Variants in SMC1B observed in about 807,000 individuals in gnomAD.
SMC1B encodes structural maintenance of chromosomes 1B, also known as structural maintenance of chromosomes protein 1B.
A neutral mutation model predicts 157.9 loss-of-function variants in SMC1B; 60 were observed. The ratio of observed to expected loss-of-function variants is 0.38; its 90% confidence interval spans 0.31 to 0.47. SMC1B has a LOEUF of 0.47. Among genes scored for constraint, SMC1B ranks in the 20% least tolerant of loss-of-function variants. SMC1B has a pLI of 0.99. For missense variants in SMC1B, 1,165 were observed against 1,426.2 expected (o/e 0.82, Z 2.95); for synonymous variants, 445 against 483.0 (o/e 0.92, Z 1.03).
chr22:45,363,196 T>C (rs1767208275), intron 15 of SMC1B, among the ~76,000 whole-genome samples, 170 bp from the exon 16 acceptor site: 1 of 152,244 alleles, frequency 6.6e-6, no homozygotes, highest in Non-Finnish European at 1.5e-5. Context: ...TCTTGTTTCA[T>C]TGATAACTCC....
At chr22:45,377,324 C>T (rs1055615485) in intron 12 of SMC1B, among the ~76,000 whole-genome samples, 6 of 152,010 alleles carry the variant, frequency 3.9e-5, no homozygotes, top group African/African-American at 9.7e-5. Context: ...TTGTTTTCTA[C>T]GAAATTAATG....
intron 4 of SMC1B, among the ~76,000 whole-genome samples, chr22:45,405,364 C>T (rs6007021): frequency 0.48 from 72,948 of 151,498 alleles, 20,186 homozygotes; most frequent in African/African-American, 0.76. Context: ...AATGAGACCA[C>T]GGTGAAACCC....
chr22:45,351,751 T>C (rs2086617708), intron 22 of SMC1B, among the ~76,000 whole-genome samples: 1 of 152,240 alleles, frequency 6.6e-6, no homozygotes, highest in East Asian at 1.9e-4. Flanking sequence ...GGTCTCACTA[T>C]GTTGCCCAGG....
intron 14 of SMC1B, 139 bp from the exon 15 acceptor site, chr22:45,370,199 C>A: frequency 2.3e-6 from 1 of 438,214 alleles, no homozygotes; most frequent in Admixed American, 4.4e-5. Context: ...TCTGAGAAGC[C>A]AGTACTTTTT....
chr22:45,368,673 C>A (rs550769199), intron 15 of SMC1B, among the ~76,000 whole-genome samples: 1 of 151,984 alleles, frequency 6.6e-6, no homozygotes, highest in Non-Finnish European at 1.5e-5. Context: ...CCCACCACCA[C>A]GCCTGGCTAA....
rs1327383591 is a variant in SMC1B at position 45,354,016 on chromosome 22, G to T, written c.3235C>A (p.Gln1079Lys). 3.8e-6 allele frequency: 6 copies of T among 1,576,814 alleles called. No individual in the cohort carries two copies. Among genetic ancestry groups the T allele is most frequent in the Non-Finnish European group, 4.3e-6 (5 of 1,162,578 alleles). The stretch of plus-strand genomic sequence containing the variant: ...TTTCTGCAGAGCTTCTTGTAGATTT[G>T]ATCAATTGAGATTGAGACATGCTCA... Reference protein sequence around the residue: ...CFEHVSISIDQIYKKLCRNNS... With the variant: ...CFEHVSISIDKIYKKLCRNNS... Residue 1079 changes from glutamine to lysine, a missense_variant, in exon 21 of 25, where the codon CAA (glutamine) becomes AAA (lysine). Physicochemically the swap from Gln to Lys is moderately conservative, Grantham distance 53. Transcript: ENST00000357450.
At chr22:45,351,772 G>A (rs923126011) in intron 22 of SMC1B, among the ~76,000 whole-genome samples, 3 of 152,106 alleles carry the variant, frequency 2.0e-5, no homozygotes, top group Non-Finnish European at 4.4e-5. Flanking sequence ...TTCAGCATCT[G>A]TACTTTAGAT....
chr22:45,370,110 A>G (rs1440869348), intron 14 of SMC1B, 50 bp from the exon 15 acceptor site: 7 of 1,052,190 alleles, frequency 6.7e-6, no homozygotes, highest in Middle Eastern at 3.1e-4. Context: ...TTTAAGAAAT[A>G]TATAATCTTA....
intron 17 of SMC1B, among the ~76,000 whole-genome samples, chr22:45,361,466 A>G (rs1569178364): frequency 6.6e-6 from 1 of 151,896 alleles, no homozygotes; most frequent in Non-Finnish European, 1.5e-5. Context: ...AGAAACACAC[A>G]CACACACACA....
At chr22:45,349,496 T>C (rs547552689) in intron 23 of SMC1B, among the ~76,000 whole-genome samples, 1 of 6,822 alleles carries the variant, frequency 1.5e-4, no homozygotes. Flanking sequence ...CCACCACACC[T>C]GGCTAATTTT....
chr22:45,348,894 A>C (rs1053130300), intron 23 of SMC1B, among the ~76,000 whole-genome samples: 1 of 151,936 alleles, frequency 6.6e-6, no homozygotes, highest in Admixed American at 6.6e-5. Flanking sequence ...TGTAGGGACA[A>C]GGTCTCCTTA....
At chr22:45,408,982 G>C in intron 1 of SMC1B, 84 bp from the exon 2 acceptor site, 1 of 769,866 alleles carries the variant, frequency 1.3e-6, no homozygotes, top group Non-Finnish European at 2.0e-6. Flanking sequence ...GCCACCAATC[G>C]AAGTGAAATA....
intron 14 of SMC1B, among the ~76,000 whole-genome samples, chr22:45,370,859 C>G (rs958587024): frequency 2.0e-5 from 3 of 152,168 alleles, no homozygotes; most frequent in Non-Finnish European, 2.9e-5. Flanking sequence ...GATATTTAAC[C>G]TGGAAAAGAG....
intron 1 of SMC1B, 89 bp from the exon 2 acceptor site, chr22:45,408,987 G>A (rs1333994457): frequency 2.8e-6 from 2 of 711,762 alleles, no homozygotes; most frequent in Admixed American, 5.7e-5. Context: ...CAATCGAAGT[G>A]AAATATAGCC....
intron 21 of SMC1B, among the ~76,000 whole-genome samples, chr22:45,353,273 A>T (rs2146762252): frequency 9.1e-6 from 1 of 109,376 alleles, no homozygotes; most frequent in South Asian, 2.9e-4. Flanking sequence ...AAAAAAAAAA[A>T]AAAAGAAAGA....
At chr22:45,394,891 T>A in intron 7 of SMC1B, 124 bp from the exon 8 acceptor site, 1 of 1,124,006 alleles carries the variant, frequency 8.9e-7, no homozygotes, top group Non-Finnish European at 1.1e-6. Flanking sequence ...TATAATTATA[T>A]GAAAACACTT....
chr22:45,412,418 C>A (rs2087350486), intron 1 of SMC1B, among the ~76,000 whole-genome samples: 1 of 148,302 alleles, frequency 6.7e-6, no homozygotes, highest in African/African-American at 2.5e-5. Flanking sequence ...TCAGGCTGGT[C>A]TCGAACTCCT....
Position 45,354,147 on chromosome 22 carries a change from A to C in SMC1B, c.3119-15T>G. The C allele has an allele frequency of 6.6e-7, 1 of 1,522,082 alleles. No individual in the cohort carries two copies. 94.3% of individuals were successfully genotyped at this position (1,522,082 alleles called of 1,614,324 possible). On this transcript the variant is annotated splice_polypyrimidine_tract_variant and intron_variant, in intron 20 of 24. Coordinates refer to ENST00000357450, the MANE Select transcript of SMC1B (RefSeq NM_148674.5). ...GGCCTCAAAAGCTAAGAGAGAATCA[A>C]TGTTCTTTATTTTAGAGACCACTGA...
At chr22:45,392,017 G>A (rs1012154588) in intron 9 of SMC1B, among the ~76,000 whole-genome samples, 31 of 152,124 alleles carry the variant, frequency 2.0e-4, no homozygotes, top group African/African-American at 7.2e-4. Context: ...GCGCAGTGGT[G>A]CTCACTGCAA....
Sources: gnomAD v4.1 joint callset for allele counts (sites outside exome capture counted in the v4.1 genomes callset) on GRCh38, gnomAD v4.1.1 for gene constraint, MANE v1.5 for transcripts, NCBI Gene and HGNC (gene_info 2026-07-23, HGNC 2026-07-21) for gene names.